Variants in FHIT observed in about 807,000 individuals in gnomAD.
FHIT encodes the protein bis(5'-adenosyl)-triphosphatase.
Under a neutral mutation model 17.9 loss-of-function variants are expected in FHIT, and 19 were observed. That is an observed-to-expected ratio of 1.06 (90% CI 0.74 to 1.56). The LOEUF is 1.56. Among genes scored for constraint, FHIT ranks in the 40% most tolerant of loss-of-function variants. The probability of loss-of-function intolerance (pLI) is 0.00; values close to 1 mark genes in which losing one functional copy is unlikely to be tolerated. For missense variants in FHIT, 248 were observed against 189.2 expected, an observed-to-expected ratio of 1.31 and a Z score of -1.82; for synonymous variants, 81 against 69.7, an observed-to-expected ratio of 1.16 and a Z score of -0.81.
chr3:61,066,058 C>T (rs532198534), intron 2 of FHIT, among the ~76,000 whole-genome samples: 5 of 152,190 alleles, frequency 3.3e-5, no homozygotes, highest in Non-Finnish European at 7.3e-5. Flanking sequence ...TGCTGTGTTA[C>T]ACATGTAATA....
intron 5 of FHIT, among the ~76,000 whole-genome samples, chr3:60,240,706 A>G (rs1008630331): frequency 2.0e-5 from 3 of 152,172 alleles, no homozygotes; most frequent in African/African-American, 7.2e-5. Flanking sequence ...TTGAGATGGA[A>G]AGGAGGGTTC....
At chr3:60,180,133 C>A (rs1701861850) in intron 5 of FHIT, among the ~76,000 whole-genome samples, 1 of 152,144 alleles carries the variant, frequency 6.6e-6, no homozygotes. Flanking sequence ...ACAGCTTATA[C>A]AAAGACTTGA....
At chr3:61,065,268 AACACAC>A (rs57357848) in intron 2 of FHIT, among the ~76,000 whole-genome samples, 2 of 148,446 alleles carry the variant, frequency 1.3e-5, no homozygotes, top group Admixed American at 6.7e-5. Flanking sequence ...AGTCATTTTC[AACACAC>A]ACACACACAC....
chr3:59,837,715 A>C (rs1701388914), intron 8 of FHIT, among the ~76,000 whole-genome samples: 1 of 152,176 alleles, frequency 6.6e-6, no homozygotes. Flanking sequence ...ACTATAGCAC[A>C]GTGGTGAAGG....
chr3:60,591,254 C>G (rs1221821075), intron 4 of FHIT, among the ~76,000 whole-genome samples: 1 of 151,918 alleles, frequency 6.6e-6, no homozygotes, highest in African/African-American at 2.4e-5. Flanking sequence ...ACTTTGCTCC[C>G]TAATTGCCTC....
chr3:60,233,340 C>G (rs115505977), intron 5 of FHIT, among the ~76,000 whole-genome samples: 3 of 152,044 alleles, frequency 2.0e-5, no homozygotes, highest in Admixed American at 2.0e-4. Context: ...ACAGCCATCC[C>G]GTGCCTTCCA....
At chr3:60,159,130 A>AG (rs1468621545) in intron 5 of FHIT, among the ~76,000 whole-genome samples, 1 of 151,782 alleles carries the variant, frequency 6.6e-6, no homozygotes, top group Non-Finnish European at 1.5e-5. Flanking sequence ...GTTTGAGGGG[A>AG]GGGGGTTTGA....
At chr3:60,263,878 T>C (rs189857538) in intron 5 of FHIT, among the ~76,000 whole-genome samples, 11 of 151,540 alleles carry the variant, frequency 7.3e-5, no homozygotes, top group South Asian at 2.1e-4. Context: ...ATTAGAATAA[T>C]TGGCAGTCTC....
intron 4 of FHIT, among the ~76,000 whole-genome samples, chr3:60,762,265 G>A (rs1277863134): frequency 6.6e-6 from 1 of 151,960 alleles, no homozygotes; most frequent in Non-Finnish European, 1.5e-5. Flanking sequence ...AACCTCCCTT[G>A]CATCTAGGAG....
intron 4 of FHIT, among the ~76,000 whole-genome samples, chr3:60,587,957 C>CT (rs143677265): frequency 7.2e-4 from 107 of 149,248 alleles, no homozygotes; most frequent in Non-Finnish European, 1.2e-3. Flanking sequence ...GCCCCTTCTC[C>CT]TTTTTTTTTT....
chr3:60,936,514 C>G (rs1055471458), intron 3 of FHIT, among the ~76,000 whole-genome samples: 1 of 152,266 alleles, frequency 6.6e-6, no homozygotes, highest in South Asian at 2.1e-4. Context: ...TGTTAAGGGT[C>G]TATTCATTGA....
intron 3 of FHIT, among the ~76,000 whole-genome samples, chr3:61,003,403 G>T (rs1476489131): frequency 6.6e-6 from 1 of 152,166 alleles, no homozygotes; most frequent in Non-Finnish European, 1.5e-5. Context: ...AATTGACCAA[G>T]CACTACCAAG....
chr3:60,425,581 C>T (rs1386095381), intron 5 of FHIT, among the ~76,000 whole-genome samples: 7 of 152,142 alleles, frequency 4.6e-5, no homozygotes, highest in South Asian at 2.1e-4. Flanking sequence ...AAAGGGCCAA[C>T]AGGGAAGCAT....
chr3:60,317,830 G>C (rs936301796), intron 5 of FHIT, among the ~76,000 whole-genome samples: 2 of 148,742 alleles, frequency 1.3e-5, no homozygotes, highest in Middle Eastern at 3.6e-3. Context: ...TCACTCTGTT[G>C]CTGAGGCTGT....
intron 7 of FHIT, among the ~76,000 whole-genome samples, chr3:59,967,734 T>C (rs71313734): frequency 6.6e-6 from 1 of 152,056 alleles, no homozygotes; most frequent in Non-Finnish European, 1.5e-5. Context: ...ATCCAAAGAA[T>C]GCTACAAAAT....
chr3:60,953,683 G>T (rs1708992126), intron 3 of FHIT, among the ~76,000 whole-genome samples: 1 of 152,036 alleles, frequency 6.6e-6, no homozygotes, highest in South Asian at 2.1e-4. Context: ...AATGACTCTA[G>T]GGTCTCTCTG....
chr3:61,191,256 C>T (rs1198871386), intron 2 of FHIT, among the ~76,000 whole-genome samples: 1 of 152,014 alleles, frequency 6.6e-6, no homozygotes, highest in Non-Finnish European at 1.5e-5. Context: ...AAACAGAAGG[C>T]CATCACCCAG....
intron 5 of FHIT, among the ~76,000 whole-genome samples, chr3:60,388,445 T>C (rs1316168689): frequency 6.6e-6 from 1 of 151,450 alleles, no homozygotes; most frequent in African/African-American, 2.4e-5. Flanking sequence ...ACAGAAAAAA[T>C]ACAACAATTA....
chr3:60,179,301 G>A (rs1200624556), intron 5 of FHIT, among the ~76,000 whole-genome samples: 2 of 152,210 alleles, frequency 1.3e-5, no homozygotes, highest in Non-Finnish European at 2.9e-5. Flanking sequence ...CGGCAGGGCA[G>A]GGATTTGAAA....
Sources: gnomAD v4.1 joint callset for allele counts (sites outside exome capture counted in the v4.1 genomes callset) on GRCh38, gnomAD v4.1.1 for gene constraint, MANE v1.5 for transcripts, NCBI Gene and HGNC (gene_info 2026-07-23, HGNC 2026-07-21) for gene names.